Variants in CDH12 observed in about 807,000 individuals in gnomAD.
CDH12 encodes cadherin-12.
Under a neutral mutation model 74.1 loss-of-function variants are expected in CDH12, and 41 were observed. The ratio of observed to expected loss-of-function variants is 0.55; its 90% CI spans 0.43 to 0.72. The LOEUF is 0.72. CDH12 is among the 30% of genes least tolerant of loss of function. The probability of loss-of-function intolerance (pLI) is 0.00; values close to 1 mark genes in which losing one functional copy is unlikely to be tolerated. For missense variants in CDH12, 945 were observed against 977.2 expected (o/e 0.97, Z 0.44); for synonymous variants, 399 against 355.0 (o/e 1.12, Z -1.39).
intron 3 of CDH12, among the ~76,000 whole-genome samples, chr5:22,224,582 T>A (rs1752131346): frequency 1.3e-5 from 2 of 152,062 alleles, no homozygotes; most frequent in Non-Finnish European, 2.9e-5. Context: ...ATGTAGTTTT[T>A]AAAAATGTAG....
At chr5:22,490,172 T>C (rs1184677440) in intron 2 of CDH12, among the ~76,000 whole-genome samples, 1 of 152,192 alleles carries the variant, frequency 6.6e-6, no homozygotes, top group Non-Finnish European at 1.5e-5. Flanking sequence ...TGGAAAAATA[T>C]TTAAAACCAT....
At chr5:22,596,129 A>T (rs1303522744) in intron 1 of CDH12, among the ~76,000 whole-genome samples, 2 of 148,898 alleles carry the variant, frequency 1.3e-5, no homozygotes, top group South Asian at 2.1e-4. Flanking sequence ...AAAAATAAAA[A>T]ATAAAAATAA....
At chr5:22,724,788 AG>A (rs1744080577) in intron 1 of CDH12, among the ~76,000 whole-genome samples, 1 of 151,868 alleles carries the variant, frequency 6.6e-6, no homozygotes, top group Non-Finnish European at 1.5e-5. Context: ...CTCTATTTTT[AG>A]ATTGTTTCCA....
At chr5:21,880,535 T>TTTCC (rs750768178) in intron 6 of CDH12, among the ~76,000 whole-genome samples, 855 of 31,428 alleles carry the variant, frequency 0.027, 114 homozygotes, top group East Asian at 0.062. Context: ...TCTTCCTTCT[T>TTTCC]TTCCTTCCTT....
intron 8 of CDH12, among the ~76,000 whole-genome samples, chr5:21,833,262 T>G (rs1432494962): frequency 2.8e-5 from 1 of 35,856 alleles, no homozygotes; most frequent in East Asian, 1.1e-3. Context: ...TTATATAACA[T>G]ATAATATATA....
At chr5:22,291,140 C>G (rs964100407) in intron 3 of CDH12, among the ~76,000 whole-genome samples, 1 of 151,970 alleles carries the variant, frequency 6.6e-6, no homozygotes, top group Non-Finnish European at 1.5e-5. Context: ...TCAATAGGAG[C>G]AGAAAAAGCA....
intron 4 of CDH12, among the ~76,000 whole-genome samples, chr5:22,139,056 G>A (rs1393682830): frequency 6.7e-6 from 1 of 150,340 alleles, no homozygotes; most frequent in Admixed American, 6.7e-5. Flanking sequence ...GAAAAATTTA[G>A]TACCATATAA....
chr5:22,627,972 C>T (rs1738386891), intron 1 of CDH12, among the ~76,000 whole-genome samples: 1 of 151,760 alleles, frequency 6.6e-6, no homozygotes, highest in Non-Finnish European at 1.5e-5. Flanking sequence ...TTTAATCCAA[C>T]AAAGATTAAA....
chr5:22,689,129 T>C (rs1266616800), intron 1 of CDH12, among the ~76,000 whole-genome samples: 1 of 152,154 alleles, frequency 6.6e-6, no homozygotes, highest in African/African-American at 2.4e-5. Flanking sequence ...TATTCTAGTA[T>C]ATATGAAGAA....
intron 3 of CDH12, among the ~76,000 whole-genome samples, chr5:22,228,933 T>C (rs1156853366): frequency 6.6e-6 from 1 of 152,128 alleles, no homozygotes; most frequent in Non-Finnish European, 1.5e-5. Context: ...AATAGTTATA[T>C]TAATAAACCT....
At chr5:22,850,530 GATAA>G (rs1340219065) in intron 1 of CDH12, among the ~76,000 whole-genome samples, 5 of 151,912 alleles carry the variant, frequency 3.3e-5, no homozygotes, top group East Asian at 1.9e-4. Context: ...AAACAGGAAG[GATAA>G]ATATTTTCCA....
rs1425078177 is a variant in CDH12 at position 21,880,516 on chromosome 5, T to TC, written c.527-25727dup. Among the ~76,000 whole-genome samples, 787 of 131,422 alleles carry TC rather than the reference T, an allele frequency of 6.0e-3. 82 individuals are homozygous for TC. Among genetic ancestry groups the TC allele is most frequent in the African/African-American group, 0.021 (741 of 34,780 alleles). The allele number at this position is 131,422 out of a possible 152,430, so 86.2% of individuals were successfully genotyped here. A position where few individuals can be genotyped will look rare whatever the true frequency, so the allele number is the denominator to read the frequency against. On this transcript the variant is annotated intron_variant, in intron 6 of 14. Coordinates refer to ENST00000382254, the MANE Select transcript of CDH12 (RefSeq NM_004061.5). ...CTTCCTTCCTTCCTCCCTCCCTCCC[T>TC]CTTTTCTTTCTTCCTTCTTTTCCTT...
chr5:22,820,528 T>A (rs997165009), intron 1 of CDH12, among the ~76,000 whole-genome samples: 6 of 151,708 alleles, frequency 4.0e-5, no homozygotes, highest in African/African-American at 1.5e-4. Flanking sequence ...ATCAAATAGA[T>A]GCAATAAAAA....
chr5:21,987,755 C>T (rs568315906), intron 5 of CDH12, among the ~76,000 whole-genome samples: 17 of 152,240 alleles, frequency 1.1e-4, no homozygotes, highest in African/African-American at 3.6e-4. Context: ...TATTGATGAG[C>T]GCCACGTTAT....
intron 4 of CDH12, among the ~76,000 whole-genome samples, chr5:22,112,853 T>A (rs1177821203): frequency 1.3e-5 from 2 of 152,164 alleles, no homozygotes; most frequent in Non-Finnish European, 2.9e-5. Flanking sequence ...GCTAAATGTC[T>A]CTAAGCACAG....
chr5:22,604,920 T>C (rs935712553), intron 1 of CDH12, among the ~76,000 whole-genome samples: 3 of 152,186 alleles, frequency 2.0e-5, no homozygotes, highest in African/African-American at 2.4e-5. Context: ...CACCATCAGC[T>C]CTGGTCAGTG....
intron 1 of CDH12, among the ~76,000 whole-genome samples, chr5:22,630,378 T>G (rs1015306470): frequency 1.3e-5 from 2 of 152,004 alleles, no homozygotes; most frequent in Non-Finnish European, 2.9e-5. Flanking sequence ...AGGTACCACA[T>G]TATCCAACTT....
intron 2 of CDH12, among the ~76,000 whole-genome samples, chr5:22,430,819 AACT>A (rs1744139144): frequency 6.6e-6 from 1 of 152,146 alleles, no homozygotes; most frequent in Non-Finnish European, 1.5e-5. Flanking sequence ...TAAAATTAGA[AACT>A]ACTTTTTTTT....
chr5:22,760,443 G>C (rs1438831321), intron 1 of CDH12, among the ~76,000 whole-genome samples: 1 of 152,102 alleles, frequency 6.6e-6, no homozygotes, highest in Non-Finnish European at 1.5e-5. Flanking sequence ...CACTTTGGGA[G>C]GCCGAGGCGG....
Sources: allele counts gnomAD v4.1 joint callset (sites outside exome capture counted in the v4.1 genomes callset), GRCh38; gene constraint gnomAD v4.1.1; transcripts MANE v1.5; gene names NCBI Gene and HGNC (gene_info 2026-07-23, HGNC 2026-07-21).